Variants in SCAPER observed in about 807,000 individuals in gnomAD.
SCAPER encodes the protein S phase cyclin A-associated protein in the endoplasmic reticulum.
In SCAPER, 98 loss-of-function variants were observed where a neutral mutation model predicts 182.2. The observed-to-expected ratio is 0.54, with a 90% CI of 0.46 to 0.64. The LOEUF (loss-of-function observed/expected upper bound fraction) is 0.64, where lower values mean the gene tolerates loss of function less well. Ranked by LOEUF, SCAPER falls within the 30% of genes least tolerant of loss-of-function variation. SCAPER has a pLI of 0.00. For missense variants in SCAPER, 1,432 were observed against 1,690.0 expected (o/e 0.85, Z 2.68); for synonymous variants, 605 against 564.6 (o/e 1.07, Z -1.01).
At chr15:76,713,494 T>C (rs569857300) in intron 17 of SCAPER, among the ~76,000 whole-genome samples, 81 of 151,922 alleles carry the variant, frequency 5.3e-4, no homozygotes, top group Non-Finnish European at 9.3e-4. Context: ...ATGGATGAAA[T>C]TGGAAATCAT....
chr15:76,674,300 C>A (rs1373140704), intron 20 of SCAPER, among the ~76,000 whole-genome samples: 1 of 152,038 alleles, frequency 6.6e-6, no homozygotes, highest in Non-Finnish European at 1.5e-5. Context: ...GAACTCAACA[C>A]CAATTATAGT....
chr15:76,694,802 T>G (rs1317761530), intron 20 of SCAPER, among the ~76,000 whole-genome samples: 1 of 152,142 alleles, frequency 6.6e-6, no homozygotes, highest in Non-Finnish European at 1.5e-5. Flanking sequence ...ACAACAAATT[T>G]AACTATGTAC....
rs942381736 is a variant in SCAPER, at chr15:76,774,980, A to G, written c.910T>C (p.Cys304Arg). Reference sequence around the variant, plus strand: ...TGTATGCTTTCATCAGGTAAAAGACATACATTTTCTTTATCACTGTCATCC... The same window carrying G: ...TGTATGCTTTCATCAGGTAAAAGACGTACATTTTCTTTATCACTGTCATCC... Reference protein sequence around the residue: ...SKDDSDKENVCLLPDESIQKG... With the variant: ...SKDDSDKENVRLLPDESIQKG... Residue 304 changes from cysteine to arginine, a missense_variant, in exon 9 of 32, where the codon TGT (cysteine) becomes CGT (arginine). Transcript: ENST00000563290. 5.6e-6 allele frequency: 9 copies of G among 1,613,716 alleles called. No homozygotes were observed. The African/African-American group carries it at 6.7e-5, about 12-fold the overall frequency.
intron 23 of SCAPER, among the ~76,000 whole-genome samples, chr15:76,515,223 A>G (rs899899671): frequency 4.6e-5 from 7 of 152,180 alleles, no homozygotes; most frequent in Non-Finnish European, 1.0e-4. Flanking sequence ...TCCCTGAGGG[A>G]GCTGAATTGT....
intron 3 of SCAPER, chr15:76,861,951 C>T (rs2071909633): frequency 6.6e-6 from 1 of 152,282 alleles, no homozygotes; most frequent in African/African-American, 2.4e-5. Context: ...AAGTACCGAG[C>T]TTAGGGGAAA....
At chr15:76,529,459 T>C (rs2043455316) in intron 23 of SCAPER, among the ~76,000 whole-genome samples, 1 of 152,152 alleles carries the variant, frequency 6.6e-6, no homozygotes, top group South Asian at 2.1e-4. Context: ...TCATTAGCAA[T>C]ATGGTAGTAT....
At chr15:76,644,880 C>A (rs1567685555) in intron 21 of SCAPER, among the ~76,000 whole-genome samples, 1 of 151,824 alleles carries the variant, frequency 6.6e-6, no homozygotes, top group Non-Finnish European at 1.5e-5. Context: ...CTTCTGTTTT[C>A]TTTTAGTCTT....
intron 21 of SCAPER, among the ~76,000 whole-genome samples, chr15:76,624,986 C>A (rs910627336): frequency 1.3e-5 from 2 of 152,090 alleles, no homozygotes; most frequent in Non-Finnish European, 2.9e-5. Flanking sequence ...CAGTCTAATC[C>A]CCAGGCTTGC....
intron 23 of SCAPER, among the ~76,000 whole-genome samples, chr15:76,519,831 T>C (rs150580890): frequency 2.6e-5 from 4 of 152,336 alleles, no homozygotes; most frequent in Non-Finnish European, 5.9e-5. Context: ...GCCTAATAAA[T>C]TTTTATGAAA....
intron 15 of SCAPER, among the ~76,000 whole-genome samples, chr15:76,743,797 T>C (rs922540595): frequency 6.6e-6 from 1 of 152,120 alleles, no homozygotes; most frequent in African/African-American, 2.4e-5. Flanking sequence ...TATTCTAAAA[T>C]TCGTATGGAA....
intron 26 of SCAPER, among the ~76,000 whole-genome samples, chr15:76,430,342 C>T (rs537978134): frequency 1.3e-5 from 2 of 152,280 alleles, no homozygotes; most frequent in African/African-American, 4.8e-5. Context: ...CTCCAGACCC[C>T]AGAATGGTAG....
At chr15:76,623,331 T>C (rs146027166) in intron 21 of SCAPER, among the ~76,000 whole-genome samples, 293 of 152,314 alleles carry the variant, frequency 1.9e-3, no homozygotes, top group Non-Finnish European at 3.0e-3. Flanking sequence ...GGCCATTGTC[T>C]AGAATGGTAT....
At chr15:76,704,260 C>T (rs2059123945) in intron 18 of SCAPER, among the ~76,000 whole-genome samples, 1 of 152,080 alleles carries the variant, frequency 6.6e-6, no homozygotes, top group South Asian at 2.1e-4. Context: ...AATTTTCTCC[C>T]ATTTTGTAGG....
chr15:76,905,278 A>C (rs1032640067), intron 1 of SCAPER, 21 bp downstream of exon 1: 4 of 260,242 alleles, frequency 1.5e-5, no homozygotes, highest in African/African-American at 9.4e-5. Context: ...TGCGCTACGC[A>C]CGCCCCTCGC....
At chr15:76,517,352 CT>C (rs780568492) in intron 23 of SCAPER, among the ~76,000 whole-genome samples, 1,933 of 138,308 alleles carry the variant, frequency 0.014, 12 homozygotes, top group East Asian at 0.046. Context: ...ATATTAACAT[CT>C]TTTTTTTTTT....
intron 23 of SCAPER, among the ~76,000 whole-genome samples, chr15:76,512,140 G>A (rs1026291534): frequency 1.3e-5 from 2 of 151,416 alleles, no homozygotes; most frequent in African/African-American, 2.4e-5. Flanking sequence ...CACCCGCCTC[G>A]GCCTCCCAAA....
At chr15:76,590,900 A>C (rs1240997852) in intron 22 of SCAPER, among the ~76,000 whole-genome samples, 2 of 152,230 alleles carry the variant, frequency 1.3e-5, no homozygotes, top group Non-Finnish European at 2.9e-5. Context: ...CATGAGTGGA[A>C]CTGAAGGCCA....
intron 23 of SCAPER, among the ~76,000 whole-genome samples, chr15:76,550,990 C>T (rs1396325702): frequency 1.3e-5 from 2 of 151,684 alleles, no homozygotes; most frequent in Admixed American, 1.3e-4. Context: ...GAAATGCAAT[C>T]CAAAACTACA....
intron 20 of SCAPER, among the ~76,000 whole-genome samples, chr15:76,695,554 G>A (rs1313327211): frequency 6.7e-6 from 1 of 149,460 alleles, no homozygotes; most frequent in Non-Finnish European, 1.5e-5. Flanking sequence ...CCGAGATCAA[G>A]CCAATGCACT....
Sources: allele counts gnomAD v4.1 joint callset (sites outside exome capture counted in the v4.1 genomes callset), GRCh38; gene constraint gnomAD v4.1.1; transcripts MANE v1.5; gene names NCBI Gene and HGNC (gene_info 2026-07-23, HGNC 2026-07-21).